ESPN: variants seen among roughly 807,000 people sequenced by gnomAD.
ESPN encodes the protein espin.
In ESPN, 68 loss-of-function variants were observed where a neutral mutation model predicts 77.7. That is an observed-to-expected ratio of 0.87 (90% CI 0.72 to 1.07). ESPN has a LOEUF of 1.07. Ranked by LOEUF, ESPN falls within the 50% of genes least tolerant of loss-of-function variation. The pLI is 0.00. For synonymous variants in ESPN, 449 were observed against 567.1 expected (o/e 0.79, Z 2.96); for missense variants, 1,060 against 1,239.0 (o/e 0.86, Z 2.17).
chr1:6,441,254 C>T (rs1290556448), intron 5 of ESPN, among the ~76,000 whole-genome samples, 189 bp downstream of exon 5: 1 of 152,092 alleles, frequency 6.6e-6, no homozygotes, highest in Non-Finnish European at 1.5e-5. Flanking sequence ...CAAAGGTCAA[C>T]GGAAAGAGGA....
chr1:6,458,008 GAA>G (rs34724255), intron 12 of ESPN, among the ~76,000 whole-genome samples: 66 of 85,618 alleles, frequency 7.7e-4, no homozygotes, highest in African/African-American at 1.4e-3. Flanking sequence ...CTCATTCTGC[GAA>G]AAAAAAAAAA....
At chr1:6,456,174 G>A in intron 10 of ESPN, 2 of 398,822 alleles carry the variant, frequency 5.0e-6, no homozygotes, top group Non-Finnish European at 8.9e-6. Context: ...GAAAGAGAAG[G>A]AGGCAGAGCT....
intron 1 of ESPN, 50 bp downstream of exon 1, chr1:6,425,299 G>C: frequency 6.5e-7 from 1 of 1,545,158 alleles, no homozygotes; most frequent in Non-Finnish European, 8.7e-7. Flanking sequence ...CCTCAGGACA[G>C]AGTCCTGGCC....
At chr1:6,449,730 T>C (rs1198110043) in intron 8 of ESPN, among the ~76,000 whole-genome samples, 1 of 152,158 alleles carries the variant, frequency 6.6e-6, no homozygotes, top group Non-Finnish European at 1.5e-5. Context: ...CCCGGTGACT[T>C]CCCTAGGCAA....
rs1245692396 is a variant in ESPN, at chr1:6,451,966, T to A, written c.2195T>A (p.Val732Glu). 3 of 1,610,206 alleles carry A rather than the reference T, an allele frequency of 1.9e-6. No homozygotes were observed. Among genetic ancestry groups the A allele is most frequent in the Non-Finnish European group, 2.5e-6 (3 of 1,178,612 alleles). ...PVPPTTPAPG[V>E]QLDVEALIPT... is the part of the protein sequence containing the mutation. The stretch of plus-strand genomic sequence containing the variant: ...CCGCCCACTACTCCTGCGCCGGGAG[T>A]GCAGCTGGACGTGGAGGCTCTCATC... The change falls in exon 10 of 13, where the codon GTG becomes GAG. Residue 732 changes from valine (V) to glutamate (E), a missense_variant. By Grantham distance (121) the Val-to-Glu change is moderately radical. Coordinates refer to ENST00000645284, the MANE Select transcript of ESPN (RefSeq NM_031475.3). This position sits in a 1 kb window ranked among gnomAD's most constrained non-coding sequence, Gnocchi z 4.3.
intron 5 of ESPN, among the ~76,000 whole-genome samples, chr1:6,443,592 A>C (rs1557705704): frequency 6.6e-6 from 1 of 152,222 alleles, no homozygotes; most frequent in Non-Finnish European, 1.5e-5. Flanking sequence ...CCCTCACCCA[A>C]GCAGGCCCAG....
chr1:6,424,991 G>T lies in ESPN; in HGVS notation c.36G>T (p.Gln12His), dbSNP rs900844475. The T allele has an allele frequency of 2.1e-5, 31 of 1,460,618 alleles. No individual in the cohort carries two copies. In the African/African-American group the frequency reaches 3.7e-4, roughly 17 times the overall value. The allele number at this position is 1,460,618 out of a possible 1,614,324, so 90.5% of individuals were successfully genotyped here. A position where few individuals can be genotyped will look rare whatever the true frequency, so the allele number is the denominator to read the frequency against. Residue 12 changes from glutamine (Q) to histidine (H), a missense_variant, in exon 1 of 13, where the codon CAG becomes CAT. Gln to His is a conservative substitution (Grantham distance 24). This residue lies in a region of ESPN where 556 missense variants were observed against 633.6 expected (regional missense o/e 0.88). Coordinates refer to ENST00000645284, the MANE Select transcript of ESPN (RefSeq NM_031475.3). ...AGCAGGCGCTGCAGGCGGCGCGGCA[G>T]GGCGAGCTGGACGTGCTGAGGTCGC... Reference protein sequence around the residue: ...ALEQALQAARQGELDVLRSLH... With the variant: ...ALEQALQAARHGELDVLRSLH...
In ESPN at chr1:6,428,199, G is replaced by A. The variant is rs781030354; in HGVS notation, c.295-27G>A. On this transcript the variant is annotated intron_variant, in intron 1 of 12. Coordinates refer to ENST00000645284, the MANE Select transcript of ESPN (RefSeq NM_031475.3). This position sits in a 1 kb window ranked among gnomAD's most constrained non-coding sequence, Gnocchi z 5.4. ...AGGGGCGGGGCAGCAACAGGCTTTAGGACTTGAACCAGCTCTCCTCCCACA... is the reference window on the plus strand; with the variant it reads ...AGGGGCGGGGCAGCAACAGGCTTTAAGACTTGAACCAGCTCTCCTCCCACA... 1.2e-6 allele frequency: 2 copies of A among 1,612,848 alleles called. No homozygotes were observed. The highest frequency in any genetic ancestry group is 1.7e-6 in the Non-Finnish European group (2 of 1,179,656).
intron 2 of ESPN, among the ~76,000 whole-genome samples, chr1:6,433,910 T>C (rs1000976060): frequency 5.3e-5 from 8 of 152,152 alleles, no homozygotes; most frequent in African/African-American, 1.9e-4. Context: ...TGTTCCCTGC[T>C]GCCCTTTTTC....
Position 6,433,074 on chromosome 1 carries a change from A to G in ESPN, c.488+4655A>G, listed in dbSNP as rs2148509304. On this transcript the variant is annotated intron_variant, in intron 2 of 12. Transcript: ENST00000645284. ...GAAGCGGAGGTTGCAGTGAGCCAAGATCGCACCACTGCACTCCAGCCTGGG... is the reference window on the plus strand; with the variant it reads ...GAAGCGGAGGTTGCAGTGAGCCAAGGTCGCACCACTGCACTCCAGCCTGGG... Among the ~76,000 whole-genome samples, 4 of 151,636 alleles carry G rather than the reference A, an allele frequency of 2.6e-5. No homozygotes were observed. In the South Asian group the frequency reaches 8.3e-4, roughly 32 times the overall value.
rs370388560 is a variant in ESPN, at chr1:6,445,840, G to T, written c.1369G>T (p.Ala457Ser). Reference sequence around the variant, plus strand: ...GCCCCCACCCCCACCTGGCTACCCAGCTCCCAAGCCTCCTGTAGGACCACA... The same window carrying T: ...GCCCCCACCCCCACCTGGCTACCCATCTCCCAAGCCTCCTGTAGGACCACA... Reference protein sequence around the residue: ...QLPPPPPGYPAPKPPVGPQAA... With the variant: ...QLPPPPPGYPSPKPPVGPQAA... Residue 457 changes from alanine (A) to serine (S), a missense_variant, in exon 7 of 13, where the codon GCT (alanine) becomes TCT (serine). By Grantham distance (99) the Ala-to-Ser change is moderately conservative (BLOSUM62 1). Coordinates refer to ENST00000645284, the MANE Select transcript of ESPN (RefSeq NM_031475.3). 2.2e-4 allele frequency: 335 copies of T among 1,556,982 alleles called. 2 individuals carry two copies. The highest frequency in any genetic ancestry group is 7.6e-4 in the East Asian group (32 of 42,030).
chr1:6,428,535 TC>T lies in ESPN; in HGVS notation c.488+118del. On this transcript the variant is annotated intron_variant, in intron 2 of 12. Transcript: ENST00000645284. This position sits in a 1 kb window ranked among gnomAD's most constrained non-coding sequence, Gnocchi z 5.4. Reference sequence around the variant, plus strand: ...AGGGCAATGATCCCTCCAGTGGCCATCCTGGGGCCAGAGGGCCAGGCCAGAG... The same window carrying T: ...AGGGCAATGATCCCTCCAGTGGCCATCTGGGGCCAGAGGGCCAGGCCAGAG... The T allele has an allele frequency of 1.1e-6, 1 of 920,038 alleles. No individual in the cohort carries two copies. Among genetic ancestry groups the T allele is most frequent in the African/African-American group, 1.7e-5 (1 of 59,314 alleles). 57.0% of individuals were successfully genotyped at this position (920,038 alleles called of 1,614,324 possible).
intron 8 of ESPN, among the ~76,000 whole-genome samples, chr1:6,449,535 C>T (rs1188602743): frequency 2.0e-5 from 3 of 152,354 alleles, no homozygotes; most frequent in South Asian, 2.1e-4. Context: ...CTTCCCCCTG[C>T]CCGTCTATCC....
intron 2 of ESPN, among the ~76,000 whole-genome samples, chr1:6,430,158 AG>A (rs1330663725): frequency 6.6e-6 from 1 of 152,210 alleles, no homozygotes; most frequent in East Asian, 1.9e-4. Flanking sequence ...CCCAGGACAC[AG>A]GGCCCCATCA....
rs1643763787 is a variant in ESPN at position 6,444,675 on chromosome 1, T to A, written c.1185T>A (p.Pro395=). 3 of 1,614,102 alleles carry A rather than the reference T, an allele frequency of 1.9e-6. No homozygotes were observed. The highest frequency in any genetic ancestry group is 2.5e-6 in the Non-Finnish European group (3 of 1,179,980). Reference sequence around the variant, plus strand: ...ACTCCAGCATCAAGGGCCAGCACCCTCCATGTGGTGAGTGTGCCCAGGAGG... The same window carrying A: ...ACTCCAGCATCAAGGGCCAGCACCCACCATGTGGTGAGTGTGCCCAGGAGG... The part of the protein sequence containing the change: ...SSHSSIKGQH[P]PCGLSSARAA... Residue 395 remains proline (P), a synonymous_variant, in exon 6 of 13, where the codon CCT becomes CCA. Transcript: ENST00000645284.
At chr1:6,455,030 G>A in intron 10 of ESPN, 2 of 378,446 alleles carry the variant, frequency 5.3e-6, no homozygotes, top group Non-Finnish European at 9.4e-6. Context: ...GCAAGCCCCC[G>A]CAGTCCGCTG....
At chr1:6,455,345 G>C (rs1644034366) in intron 10 of ESPN, 2 of 385,268 alleles carry the variant, frequency 5.2e-6, no homozygotes, top group Non-Finnish European at 4.6e-6. Flanking sequence ...GCCGCGCCCA[G>C]GCGCGCCTAC....
chr1:6,452,187 C>T (rs1643959241), intron 10 of ESPN, 91 bp downstream of exon 10: 3 of 1,352,940 alleles, frequency 2.2e-6, no homozygotes, highest in Non-Finnish European at 2.0e-6. Context: ...AACCTCGGGA[C>T]CTCCCATTTT....
intron 12 of ESPN, 40 bp from the exon 13 acceptor site, chr1:6,459,959 C>T: frequency 1.9e-6 from 3 of 1,612,408 alleles, no homozygotes; most frequent in Non-Finnish European, 1.7e-6. Flanking sequence ...GTATCTGGCC[C>T]CAGACTTCAC....
Sources: gnomAD v4.1 joint callset for allele counts (sites outside exome capture counted in the v4.1 genomes callset) on GRCh38, gnomAD v4.1.1 for gene constraint, gnomAD v4.1.1 regional missense constraint, Gnocchi (gnomAD v3.1) non-coding constraint, MANE v1.5 for transcripts, NCBI Gene and HGNC (gene_info 2026-07-23, HGNC 2026-07-21) for gene names.